The following IPO11 variants were observed in gnomAD, a reference collection of about 807,000 sequenced individuals.
IPO11 encodes the protein importin 11.
IPO11 carries 66 observed loss-of-function variants against 143.2 expected under a neutral mutation model. The observed-to-expected ratio is 0.46, with a 90% CI of 0.38 to 0.57. The LOEUF (loss-of-function observed/expected upper bound fraction) is 0.57, where lower values mean the gene tolerates loss of function less well. IPO11 is among the 20% of genes least tolerant of loss of function. The pLI, the probability that IPO11 is intolerant of heterozygous loss-of-function variation, is 0.00. For missense variants in IPO11, 1,026 were observed against 1,141.0 expected, an observed-to-expected ratio of 0.90 and a Z score of 1.45; for synonymous variants, 385 against 377.8, an observed-to-expected ratio of 1.02 and a Z score of -0.22.
At chr5:62,449,704 C>A in intron 3 of IPO11, 1 of 352,146 alleles carries the variant, frequency 2.8e-6, no homozygotes. Context: ...TAATCTTATT[C>A]ATTTACCAGA....
chr5:62,522,485 A>G (rs1319692450), intron 20 of IPO11, among the ~76,000 whole-genome samples: 1 of 151,996 alleles, frequency 6.6e-6, no homozygotes, highest in African/African-American at 2.4e-5. Flanking sequence ...GTGTTTCATC[A>G]TGTTGGCCGG....
chr5:62,627,613 C>T lies in IPO11; in HGVS notation c.*295C>T, dbSNP rs1367724141. 4.7e-6 allele frequency: 1 copy of T among 215,030 alleles called. No homozygotes were observed. The highest frequency in any genetic ancestry group is 9.1e-6 in the Non-Finnish European group (1 of 110,116). 13.3% of individuals were successfully genotyped at this position (215,030 alleles called of 1,614,324 possible). A position where few individuals can be genotyped will look rare whatever the true frequency, so the allele number is the denominator to read the frequency against. ...CTTAGTTTCCTGTTAAGAGAAGAAA[C>T]TTTATCTTTTAATTATGTGCTCTTA... is the stretch of plus-strand genomic sequence containing the variant. On this transcript the variant is annotated 3_prime_UTR_variant, in exon 30 of 30. Transcript: ENST00000325324.
intron 15 of IPO11, among the ~76,000 whole-genome samples, chr5:62,493,380 T>TTGAG (rs1741016066): frequency 6.6e-6 from 1 of 152,212 alleles, no homozygotes; most frequent in African/African-American, 2.4e-5. Flanking sequence ...TTTTGGTTAC[T>TTGAG]TGAGCTAAAA....
At chr5:62,418,507 C>T (rs1743380902) in intron 1 of IPO11, among the ~76,000 whole-genome samples, 1 of 152,190 alleles carries the variant, frequency 6.6e-6, no homozygotes, top group East Asian at 1.9e-4. Flanking sequence ...AAGCTATTAA[C>T]AGTATAGTGC....
chr5:62,513,895 G>A (rs1355882208), intron 19 of IPO11, among the ~76,000 whole-genome samples: 12 of 149,158 alleles, frequency 8.0e-5, no homozygotes, highest in Non-Finnish European at 1.0e-4. Flanking sequence ...GGGCAGAGAC[G>A]CTCCTCACCT....
intron 1 of IPO11, among the ~76,000 whole-genome samples, chr5:62,426,038 G>A (rs1743727887): frequency 1.3e-5 from 2 of 152,148 alleles, no homozygotes; most frequent in Non-Finnish European, 2.9e-5. Flanking sequence ...CCCTGGGTGA[G>A]GAGAATTGAC....
intron 28 of IPO11, among the ~76,000 whole-genome samples, chr5:62,598,290 T>C (rs1424672912): frequency 6.6e-6 from 1 of 151,992 alleles, no homozygotes; most frequent in Admixed American, 6.6e-5. Context: ...AGGGTTCAAT[T>C]AGGAAAGAGG....
intron 19 of IPO11, among the ~76,000 whole-genome samples, chr5:62,512,821 C>G (rs1282058559): frequency 6.7e-6 from 1 of 148,406 alleles, no homozygotes; most frequent in Non-Finnish European, 1.5e-5. Context: ...ATCTGTTTAA[C>G]AAAGCACATC....
At chr5:62,542,303 T>A (rs1561355403) in intron 24 of IPO11, among the ~76,000 whole-genome samples, 1 of 152,134 alleles carries the variant, frequency 6.6e-6, no homozygotes, top group Admixed American at 6.5e-5. Context: ...TAAATGGATG[T>A]TAAATCCTAA....
intron 27 of IPO11, among the ~76,000 whole-genome samples, chr5:62,590,889 G>A (rs951669321): frequency 3.3e-5 from 5 of 151,866 alleles, no homozygotes; most frequent in South Asian, 2.1e-4. Context: ...TGAAATGTCT[G>A]TTCATGTTTT....
At chr5:62,546,456 G>C (rs1202169823) in intron 24 of IPO11, among the ~76,000 whole-genome samples, 1 of 152,100 alleles carries the variant, frequency 6.6e-6, no homozygotes, top group Non-Finnish European at 1.5e-5. Context: ...CGTAGGGTTG[G>C]GGGAGTGGGG....
intron 20 of IPO11, among the ~76,000 whole-genome samples, chr5:62,518,315 A>G (rs938340972): frequency 6.6e-6 from 1 of 152,022 alleles, no homozygotes; most frequent in African/African-American, 2.4e-5. Flanking sequence ...GAGGTGGCAC[A>G]TGCCTGTAGT....
chr5:62,454,489 C>T (rs144856834), intron 5 of IPO11, among the ~76,000 whole-genome samples: 1 of 152,312 alleles, frequency 6.6e-6, no homozygotes, highest in African/African-American at 2.4e-5. Context: ...TCAAAGTTCA[C>T]TCTCTAATAT....
intron 27 of IPO11, chr5:62,580,262 TTAA>T (rs1744499210): frequency 1.3e-6 from 2 of 1,542,618 alleles, no homozygotes; most frequent in African/African-American, 1.4e-5. Context: ...TTTAGTGGAA[TTAA>T]TAATCTTAAA....
At chr5:62,437,206 A>AT in intron 1 of IPO11, 68 bp from the exon 2 acceptor site, 1 of 1,292,982 alleles carries the variant, frequency 7.7e-7, no homozygotes, top group Non-Finnish European at 1.1e-6. Context: ...TTTTGTCTCC[A>AT]TTTATTTTAC....
chr5:62,503,680 A>G (rs1741438852), intron 16 of IPO11, among the ~76,000 whole-genome samples: 1 of 152,138 alleles, frequency 6.6e-6, no homozygotes, highest in African/African-American at 2.4e-5. Context: ...CATTGCCTTT[A>G]GAGACAGTGA....
chr5:62,483,375 A>G, intron 10 of IPO11, 82 bp downstream of exon 10: 1 of 822,502 alleles, frequency 1.2e-6, no homozygotes, highest in East Asian at 2.9e-5. Context: ...CTTTTTAAAA[A>G]ATGTCATTTT....
chr5:62,416,214 C>T (rs1386809919), intron 1 of IPO11, among the ~76,000 whole-genome samples: 4 of 143,268 alleles, frequency 2.8e-5, no homozygotes, highest in Admixed American at 7.2e-5. Context: ...CGGAGCCTCG[C>T]TCTTGTCTCC....
At chr5:62,580,466 G>C (rs1390950931) in intron 27 of IPO11, 1 of 1,551,248 alleles carries the variant, frequency 6.4e-7, no homozygotes, top group African/African-American at 1.4e-5. Context: ...TTGCATCCAA[G>C]GGTCCTTAAG....
Sources: gnomAD v4.1 joint callset for allele counts (sites outside exome capture counted in the v4.1 genomes callset) on GRCh38, gnomAD v4.1.1 for gene constraint, MANE v1.5 for transcripts, NCBI Gene and HGNC (gene_info 2026-07-23, HGNC 2026-07-21) for gene names.